ARHGDIB: variants seen among roughly 807,000 people sequenced by gnomAD.
The protein encoded by ARHGDIB is Rho GDP dissociation inhibitor beta.
Under a neutral mutation model 22.6 loss-of-function variants are expected in ARHGDIB, and 20 were observed. That is an observed-to-expected ratio of 0.88 (90% CI 0.62 to 1.28). The LOEUF is 1.28. Among genes scored for constraint, ARHGDIB ranks in the 50% most tolerant of loss-of-function variants. The probability of loss-of-function intolerance (pLI) is 0.00; values close to 1 mark genes in which losing one functional copy is unlikely to be tolerated. For missense variants in ARHGDIB, 254 were observed against 245.4 expected (o/e 1.04, Z -0.23); for synonymous variants, 114 against 96.1 (o/e 1.19, Z -1.09).
At chr12:14,955,355 T>A (rs1864277230) in intron 1 of ARHGDIB, among the ~76,000 whole-genome samples, 2 of 152,220 alleles carry the variant, frequency 1.3e-5, no homozygotes, top group African/African-American at 4.8e-5. Flanking sequence ...AGTAATGGTC[T>A]GGATTCTAAA....
At position 14,942,400 on chromosome 12, in the gene ARHGDIB, A is replaced by G. The variant is rs751956207; in HGVS notation, c.*122T>C. On this transcript the variant is annotated 3_prime_UTR_variant, in exon 6 of 6. Transcript: ENST00000228945. Reference sequence around the variant, plus strand: ...GTGACAGGGTGGGAAAAGATGCATCAATAAGGAAATGTGGCAGTGTTGAAG... The same window carrying G: ...GTGACAGGGTGGGAAAAGATGCATCGATAAGGAAATGTGGCAGTGTTGAAG... 4 of 1,075,056 alleles carry G rather than the reference A, an allele frequency of 3.7e-6. No homozygotes were observed. Among genetic ancestry groups the G allele is most frequent in the Non-Finnish European group, 5.5e-6 (4 of 722,996 alleles). 66.6% of individuals were successfully genotyped at this position (1,075,056 alleles called of 1,614,324 possible). A position where few individuals can be genotyped will look rare whatever the true frequency, so the allele number is the denominator to read the frequency against.
chr12:14,955,675 C>T (rs980300106), intron 1 of ARHGDIB, among the ~76,000 whole-genome samples: 9 of 152,112 alleles, frequency 5.9e-5, no homozygotes, highest in Admixed American at 1.3e-4. Flanking sequence ...CAGTTTCTCC[C>T]GAAGCCCCAG....
intron 5 of ARHGDIB, 91 bp from the exon 6 acceptor site, chr12:14,942,812 G>T: frequency 8.9e-7 from 1 of 1,125,008 alleles, no homozygotes; most frequent in Non-Finnish European, 1.3e-6. Context: ...AGCCTACAGT[G>T]ATTAAAGTCA....
At chr12:14,955,629 T>C (rs1355180016) in intron 1 of ARHGDIB, among the ~76,000 whole-genome samples, 2 of 152,210 alleles carry the variant, frequency 1.3e-5, no homozygotes, top group East Asian at 1.9e-4. Flanking sequence ...TTATTAAGCA[T>C]TGTACTGCAT....
In ARHGDIB at chr12:14,950,483, C is replaced by T. The variant is rs780429181; in HGVS notation, c.181+49G>A. 45 of 1,532,692 alleles carry T rather than the reference C, an allele frequency of 2.9e-5. No homozygotes were observed. The East Asian group carries it at 9.3e-4, about 32-fold the overall frequency. 94.9% of individuals were successfully genotyped at this position (1,532,692 alleles called of 1,614,324 possible). ...TGCTCCTGAGCAGCCAAAATGTCTTCTTCCCTCTCAGCGATCTTCCACCCA... is the reference window on the plus strand; with the variant it reads ...TGCTCCTGAGCAGCCAAAATGTCTTTTTCCCTCTCAGCGATCTTCCACCCA... On this transcript the variant is annotated intron_variant, in intron 2 of 5. Coordinates refer to ENST00000228945, the MANE Select transcript of ARHGDIB (RefSeq NM_001175.7).
In ARHGDIB at chr12:14,947,049, A is replaced by G. The variant is rs113521820; in HGVS notation, c.342+824T>C. 8.1e-3 allele frequency among the ~76,000 whole-genome samples: 1,237 copies of G among 151,884 alleles called. 14 individuals are homozygous for G. Among genetic ancestry groups the G allele is most frequent in the African/African-American group, 0.029 (1,195 of 41,186 alleles). On this transcript the variant is annotated intron_variant, in intron 4 of 5. Transcript: ENST00000228945. The stretch of plus-strand genomic sequence containing the variant: ...CTGAATCATATCCTGTACCTTGGGG[A>G]AAAAAGTTCCCAGTGTGCAAATAGA...
chr12:14,943,253 T>G (rs1047663752), intron 5 of ARHGDIB, among the ~76,000 whole-genome samples: 1 of 152,188 alleles, frequency 6.6e-6, no homozygotes, highest in Non-Finnish European at 1.5e-5. Context: ...TTTGTCCTAC[T>G]TCCAAAGGCT....
At chr12:14,952,217 T>TG (rs1401236938) in intron 1 of ARHGDIB, among the ~76,000 whole-genome samples, 1 of 147,022 alleles carries the variant, frequency 6.8e-6, no homozygotes, top group Non-Finnish European at 1.5e-5. Flanking sequence ...TCACTATTAT[T>TG]GGCAAGAGGA....
At chr12:14,946,098 AT>A (rs1864007530) in intron 4 of ARHGDIB, among the ~76,000 whole-genome samples, 1 of 152,202 alleles carries the variant, frequency 6.6e-6, no homozygotes, top group Admixed American at 6.5e-5. Context: ...ATATAAATAC[AT>A]TTGGGGTGGG....
chr12:14,961,058 T>TC (rs1410277167), intron 1 of ARHGDIB: 6 of 152,192 alleles, frequency 3.9e-5, no homozygotes, highest in African/African-American at 1.2e-4. Context: ...GAACCATTTT[T>TC]TTTTCTCTTT....
At chr12:14,946,881 G>C (rs1344182570) in intron 4 of ARHGDIB, among the ~76,000 whole-genome samples, 2 of 152,184 alleles carry the variant, frequency 1.3e-5, no homozygotes, top group Non-Finnish European at 2.9e-5. Context: ...ACCTTCAGGT[G>C]CTCCAATAAT....
intron 1 of ARHGDIB, among the ~76,000 whole-genome samples, chr12:14,953,978 C>T (rs750460202): frequency 6.9e-6 from 1 of 145,330 alleles, no homozygotes; most frequent in Non-Finnish European, 1.5e-5. Context: ...TCCTTCCTTT[C>T]TTCTTTCCTT....
intron 1 of ARHGDIB, among the ~76,000 whole-genome samples, chr12:14,958,351 C>A (rs949376328): frequency 6.6e-6 from 1 of 152,170 alleles, no homozygotes; most frequent in Non-Finnish European, 1.5e-5. Context: ...AAACCAAAGA[C>A]AAGATTATTT....
At chr12:14,954,286 G>A (rs964015749) in intron 1 of ARHGDIB, among the ~76,000 whole-genome samples, 3 of 152,130 alleles carry the variant, frequency 2.0e-5, no homozygotes, top group African/African-American at 7.2e-5. Flanking sequence ...CTTTTTCCTG[G>A]AGCTCCACCA....
intron 5 of ARHGDIB, among the ~76,000 whole-genome samples, chr12:14,944,555 C>G (rs1265851316): frequency 1.3e-5 from 2 of 152,192 alleles, no homozygotes; most frequent in Non-Finnish European, 2.9e-5. Flanking sequence ...AAAAAGCTGA[C>G]TGCTGAACGT....
chr12:14,944,730 C>G, intron 5 of ARHGDIB, 46 bp downstream of exon 5: 1 of 1,571,124 alleles, frequency 6.4e-7, no homozygotes. Flanking sequence ...GTTAAAGTAT[C>G]AATGAGAAGC....
At chr12:14,957,006 G>A (rs1444046629) in intron 1 of ARHGDIB, among the ~76,000 whole-genome samples, 3 of 152,294 alleles carry the variant, frequency 2.0e-5, no homozygotes, top group South Asian at 2.1e-4. Context: ...TTTCATTAAT[G>A]CAGCTCTAAA....
intron 1 of ARHGDIB, 59 bp from the exon 2 acceptor site, chr12:14,950,783 G>C: frequency 6.9e-7 from 1 of 1,446,238 alleles, no homozygotes; most frequent in South Asian, 1.4e-5. Context: ...AGATGTTAGT[G>C]GGGCTGCTGT....
At chr12:14,947,166 G>T (rs76600643) in intron 4 of ARHGDIB, among the ~76,000 whole-genome samples, 5,629 of 152,284 alleles carry the variant, frequency 0.037, 285 homozygotes, top group African/African-American at 0.1. Context: ...CATAAACCAC[G>T]AAGTGCAAAC....
Sources: allele counts gnomAD v4.1 joint callset (sites outside exome capture counted in the v4.1 genomes callset), GRCh38; gene constraint gnomAD v4.1.1; transcripts MANE v1.5; gene names NCBI Gene and HGNC (gene_info 2026-07-23, HGNC 2026-07-21).